Variants in AK8 observed in about 807,000 individuals in gnomAD.
The protein encoded by AK8 is adenylate kinase 8, also known as ATP-AMP transphosphorylase 8.
Under a neutral mutation model 54.6 loss-of-function variants are expected in AK8, and 44 were observed. The ratio of observed to expected loss-of-function variants is 0.81; its 90% CI spans 0.63 to 1.04. The LOEUF (loss-of-function observed/expected upper bound fraction) is 1.04, where lower values mean the gene tolerates loss of function less well. AK8 is among the 50% of genes least tolerant of loss of function. The pLI is 0.00. For synonymous variants in AK8, 239 were observed against 245.6 expected, an observed-to-expected ratio of 0.97 and a Z score of 0.25; for missense variants, 555 against 613.6, an observed-to-expected ratio of 0.90 and a Z score of 1.01.
chr9:132,814,416 A>AC (rs1011527722), intron 10 of AK8, among the ~76,000 whole-genome samples: 9 of 151,898 alleles, frequency 5.9e-5, no homozygotes, highest in South Asian at 2.1e-4. Flanking sequence ...ATCAGGGATA[A>AC]CCCCCCCACA....
At chr9:132,744,781 T>C (rs1462799996) in intron 11 of AK8, among the ~76,000 whole-genome samples, 4 of 152,152 alleles carry the variant, frequency 2.6e-5, no homozygotes, top group Non-Finnish European at 5.9e-5. Flanking sequence ...AAAACAGAAA[T>C]AATAACCACT....
rs148192140 is a variant in AK8, at chr9:132,839,894, C to T, written c.403-11168G>A. On this transcript the variant is annotated intron_variant, in intron 5 of 12. Coordinates refer to ENST00000298545, the MANE Select transcript of AK8 (RefSeq NM_152572.3). ...GTGCAGTGGCGCGATCTCGGCTCAC[C>T]GCAACCTCTGCCTCCCGGGTTCAAG... Among the ~76,000 whole-genome samples, 356 of 151,610 alleles carry T rather than the reference C, an allele frequency of 2.3e-3. 4 individuals are homozygous for T. The highest frequency in any genetic ancestry group is 7.8e-3 in the African/African-American group (324 of 41,292).
intron 11 of AK8, among the ~76,000 whole-genome samples, chr9:132,767,287 T>C (rs561547020): frequency 6.6e-6 from 1 of 152,242 alleles, no homozygotes; most frequent in South Asian, 2.1e-4. Flanking sequence ...AATTAAAAAA[T>C]GGGCAAATGA....
chr9:132,855,541 C>T (rs550260663), intron 4 of AK8, among the ~76,000 whole-genome samples: 26 of 152,182 alleles, frequency 1.7e-4, no homozygotes, highest in Admixed American at 1.0e-3. Flanking sequence ...GGAGTGTCTA[C>T]ACCACAGAAA....
chr9:132,796,820 G>A (rs930783235), intron 10 of AK8, among the ~76,000 whole-genome samples: 11 of 149,854 alleles, frequency 7.3e-5, no homozygotes, highest in Admixed American at 4.0e-4. Flanking sequence ...CACACACAGA[G>A]GGAGGGGGAA....
rs1425883708 is a variant in AK8 at position 132,798,684 on chromosome 9, CGTTT to C, written c.980-5913_980-5910del. On this transcript the variant is annotated intron_variant, in intron 10 of 12. Coordinates refer to ENST00000298545, the MANE Select transcript of AK8 (RefSeq NM_152572.3). Reference sequence around the variant, plus strand: ...TTCATAAGGCCACACCACATGGTTTCGTTTGTTTTTTTTTTTTTTTTTCTCAAGA... The same window carrying C: ...TTCATAAGGCCACACCACATGGTTTCGTTTTTTTTTTTTTTTTTCTCAAGA... Among the ~76,000 whole-genome samples, 84 of 151,798 alleles carry C rather than the reference CGTTT, an allele frequency of 5.5e-4. No individual in the cohort carries two copies. The East Asian group carries it at 5.8e-3, about 10-fold the overall frequency.
intron 10 of AK8, among the ~76,000 whole-genome samples, chr9:132,798,495 C>T (rs1271909733): frequency 6.6e-6 from 1 of 152,098 alleles, no homozygotes; most frequent in African/African-American, 2.4e-5. Flanking sequence ...TTTTTCAGTG[C>T]GGTCTAAAGT....
At position 132,781,026 on chromosome 9, in the gene AK8, T is replaced by C. The variant is rs972470305; in HGVS notation, c.1121+11608A>G. Among the ~76,000 whole-genome samples the C allele has an allele frequency of 7.9e-5, 12 of 152,178 alleles. No individual in the cohort carries two copies. Among genetic ancestry groups the C allele is most frequent in the African/African-American group, 2.7e-4 (11 of 41,420 alleles). On this transcript the variant is annotated intron_variant, in intron 11 of 12. Transcript: ENST00000298545. The surrounding 1 kb of genome is among the most constrained non-coding windows in gnomAD (Gnocchi z 4.6). ...CTTCCCAACATCAATCAGAATCCTA[T>C]ACTCTTTCTCTGTAGTAAGCATTAA...
At chr9:132,859,647 C>T (rs1479481316) in intron 4 of AK8, among the ~76,000 whole-genome samples, 4 of 151,660 alleles carry the variant, frequency 2.6e-5, no homozygotes, top group East Asian at 1.9e-4. Flanking sequence ...CCTCCTTCCC[C>T]GTCTCCTCCC....
chr9:132,821,820 A>C (rs1172283730), intron 9 of AK8, among the ~76,000 whole-genome samples: 1 of 120,624 alleles, frequency 8.3e-6, no homozygotes, highest in Non-Finnish European at 1.7e-5. Context: ...TGTATATACA[A>C]ATATATACAT....
chr9:132,802,074 G>A (rs1039199336), intron 10 of AK8, among the ~76,000 whole-genome samples: 13 of 152,218 alleles, frequency 8.5e-5, no homozygotes, highest in Non-Finnish European at 1.8e-4. Flanking sequence ...CCTAGCCAAG[G>A]CTTCCTCCTC....
intron 8 of AK8, among the ~76,000 whole-genome samples, chr9:132,823,817 C>A (rs1281004639): frequency 6.6e-6 from 1 of 152,230 alleles, no homozygotes; most frequent in Non-Finnish European, 1.5e-5. Context: ...CAGACACAGG[C>A]TTTGATAAAC....
chr9:132,826,846 G>A lies in AK8; in HGVS notation c.757+8C>T. The A allele has an allele frequency of 1.2e-6, 2 of 1,614,126 alleles. No homozygotes were observed. The highest frequency in any genetic ancestry group is 1.3e-5 in the African/African-American group (1 of 75,070). ...CTGTCCAGGGTGGGGCTGCCTGCTTGTGTTTACCCTGGTAGAAGACGTCCA... is the reference window on the plus strand; with the variant it reads ...CTGTCCAGGGTGGGGCTGCCTGCTTATGTTTACCCTGGTAGAAGACGTCCA... On this transcript the variant is annotated splice_region_variant and intron_variant, in intron 8 of 12. Transcript: ENST00000298545. This position sits in a 1 kb window ranked among gnomAD's most constrained non-coding sequence, Gnocchi z 4.5.
chr9:132,861,343 A>T (rs1843380761), intron 4 of AK8: 1 of 152,174 alleles, frequency 6.6e-6, no homozygotes, highest in Non-Finnish European at 1.5e-5. Flanking sequence ...AGGACTTAGT[A>T]GGTGCTCAGG....
chr9:132,733,222 A>T (rs1836935510), intron 11 of AK8, among the ~76,000 whole-genome samples: 1 of 144,438 alleles, frequency 6.9e-6, no homozygotes, highest in Non-Finnish European at 1.5e-5. Context: ...AACAGCCACT[A>T]AAAAAAAAAA....
intron 4 of AK8, among the ~76,000 whole-genome samples, chr9:132,858,565 G>T (rs1203972353): frequency 6.6e-6 from 1 of 152,182 alleles, no homozygotes; most frequent in Non-Finnish European, 1.5e-5. Context: ...GAGATGCCCT[G>T]ATCTGACCCC....
At chr9:132,809,429 G>A (rs760118092) in intron 10 of AK8, among the ~76,000 whole-genome samples, 3 of 152,140 alleles carry the variant, frequency 2.0e-5, no homozygotes, top group Non-Finnish European at 4.4e-5. Context: ...GTCACTCCAC[G>A]ACAGGCCAAG....
upstream of AK8, chr9:132,878,513 A>G: frequency 8.4e-7 from 1 of 1,195,364 alleles, no homozygotes. This position sits in a 1 kb window ranked among gnomAD's most constrained non-coding sequence, Gnocchi z 4.7. Context: ...GGTGGCTTCC[A>G]GCTGGGCCTC....
chr9:132,872,541 C>T (rs1223213666), intron 2 of AK8, among the ~76,000 whole-genome samples: 1 of 152,106 alleles, frequency 6.6e-6, no homozygotes, highest in Non-Finnish European at 1.5e-5. Flanking sequence ...AGTCGTGGCA[C>T]CATGGCCTCT....
Sources: gnomAD v4.1 joint callset for allele counts (sites outside exome capture counted in the v4.1 genomes callset) on GRCh38, gnomAD v4.1.1 for gene constraint, Gnocchi (gnomAD v3.1) non-coding constraint, MANE v1.5 for transcripts, NCBI Gene and HGNC (gene_info 2026-07-23, HGNC 2026-07-21) for gene names.